Variants in TACC2 observed in about 807,000 individuals in gnomAD.
TACC2 encodes the protein transforming acidic coiled-coil-containing protein 2.
Under a neutral mutation model 227.3 loss-of-function variants are expected in TACC2, and 137 were observed. The ratio of observed to expected loss-of-function variants is 0.60; its 90% CI spans 0.52 to 0.69. TACC2 has a LOEUF of 0.69. TACC2 is among the 30% of genes least tolerant of loss of function. TACC2 has a pLI of 0.00. For synonymous variants in TACC2, 1,523 were observed against 1,487.5 expected (o/e 1.02, Z -0.55); for missense variants, 3,470 against 3,694.4 (o/e 0.94, Z 1.57).
chr10:122,055,970 C>A (rs1331850812), intron 3 of TACC2, among the ~76,000 whole-genome samples: 1 of 152,186 alleles, frequency 6.6e-6, no homozygotes, highest in Non-Finnish European at 1.5e-5. Context: ...GGGCCAAGTC[C>A]CATCCATACC....
At chr10:122,138,115 C>G (rs994709371) in intron 6 of TACC2, among the ~76,000 whole-genome samples, 18 of 151,474 alleles carry the variant, frequency 1.2e-4, no homozygotes, top group African/African-American at 3.9e-4. Context: ...TCTGACTGCA[C>G]AATAAGATTT....
chr10:122,178,702 G>C (rs2093845253), intron 7 of TACC2, among the ~76,000 whole-genome samples: 1 of 152,172 alleles, frequency 6.6e-6, no homozygotes, highest in African/African-American at 2.4e-5. Flanking sequence ...TGGCCAACAT[G>C]GTGAAACCTC....
At chr10:122,088,651 T>C (rs1227623141) in intron 5 of TACC2, 60 bp downstream of exon 5, 1 of 1,574,468 alleles carries the variant, frequency 6.4e-7, no homozygotes, top group South Asian at 1.2e-5. Flanking sequence ...ACAGACACAC[T>C]GGATGTTTTG....
In TACC2 at chr10:122,096,256, T is replaced by C. The variant is rs555355124; in HGVS notation, c.5573+7665T>C. Among the ~76,000 whole-genome samples the C allele has an allele frequency of 7.9e-4, 120 of 152,326 alleles. 2 individuals are homozygous for C. In the South Asian group the frequency reaches 0.024, roughly 31 times the overall value. The stretch of plus-strand genomic sequence containing the variant: ...TTGCACCTGGGGGCTTGGCTTCACC[T>C]ATGTGACCTCACATCCAGGCCTGCG... On this transcript the variant is annotated intron_variant, in intron 5 of 22. Coordinates refer to ENST00000369005, the MANE Select transcript of TACC2 (RefSeq NM_206862.4).
chr10:122,046,654 GCA>G (rs1399720903), intron 2 of TACC2, among the ~76,000 whole-genome samples: 2 of 152,124 alleles, frequency 1.3e-5, no homozygotes, highest in African/African-American at 2.4e-5. Flanking sequence ...TGGACTTGGA[GCA>G]AAGATCTGTC....
intron 7 of TACC2, among the ~76,000 whole-genome samples, chr10:122,190,676 C>T (rs1456697999): frequency 6.6e-6 from 1 of 152,064 alleles, no homozygotes; most frequent in Admixed American, 6.6e-5. Flanking sequence ...ATTGCATGAA[C>T]ACAGGACAGG....
chr10:122,035,051 A>C (rs558735797), intron 2 of TACC2, among the ~76,000 whole-genome samples: 1 of 152,252 alleles, frequency 6.6e-6, no homozygotes, highest in South Asian at 2.1e-4. Context: ...TCACTGCCAT[A>C]AGTCAGTGGC....
chr10:122,249,006 T>C, intron 20 of TACC2, 44 bp from the exon 21 acceptor site: 1 of 1,576,158 alleles, frequency 6.3e-7, no homozygotes, highest in Non-Finnish European at 8.7e-7. Context: ...GCTGGGCATT[T>C]GTTCTCGTGG....
At chr10:122,124,377 C>T (rs1204363889) in intron 5 of TACC2, among the ~76,000 whole-genome samples, 1 of 152,210 alleles carries the variant, frequency 6.6e-6, no homozygotes, top group African/African-American at 2.4e-5. Context: ...CTCACTTCGG[C>T]TCCACTGCCT....
chr10:122,176,105 CTCTCTCTCTCTCTATATA>C (rs1188076384), intron 7 of TACC2, among the ~76,000 whole-genome samples: 116 of 73,386 alleles, frequency 1.6e-3, no homozygotes, highest in African/African-American at 5.0e-3. Context: ...CTCTCTCTCT[CTCTCTCTCTCTCTATATA>C]TATATATATA....
At chr10:122,012,309 A>C (rs1374911650) in intron 1 of TACC2, among the ~76,000 whole-genome samples, 1 of 149,578 alleles carries the variant, frequency 6.7e-6, no homozygotes, top group East Asian at 2.0e-4. Flanking sequence ...AATCCCAGCT[A>C]CTCAGGAGGC....
At chr10:122,022,987 G>A (rs1362308561) in intron 2 of TACC2, 1 of 152,160 alleles carries the variant, frequency 6.6e-6, no homozygotes, top group African/African-American at 2.4e-5. Flanking sequence ...CCTTGAACGA[G>A]AAAACTGGAT....
At chr10:121,995,496 G>C (rs1437488318) in intron 1 of TACC2, among the ~76,000 whole-genome samples, 2 of 152,114 alleles carry the variant, frequency 1.3e-5, no homozygotes, top group African/African-American at 4.8e-5. Flanking sequence ...GTGTATACAG[G>C]GGGCAAAACT....
chr10:122,136,110 T>C (rs571580844), intron 6 of TACC2, among the ~76,000 whole-genome samples: 25 of 152,330 alleles, frequency 1.6e-4, no homozygotes, highest in Admixed American at 1.2e-3. Context: ...TTTTGGTTGA[T>C]TGGCTGATGA....
chr10:122,216,722 G>C lies in TACC2; in HGVS notation c.7440G>C (p.Lys2480Asn). 1 of 1,614,154 alleles carries C rather than the reference G, an allele frequency of 6.2e-7. No homozygotes were observed. Among genetic ancestry groups the C allele is most frequent in the Non-Finnish European group, 8.5e-7 (1 of 1,180,038 alleles). Reference sequence around the variant, plus strand: ...AAAAGCTGGCGGTCACCAACCAGAAGTGGACGTGCATGACAGTGGACCTAG... The same window carrying C: ...AAAAGCTGGCGGTCACCAACCAGAACTGGACGTGCATGACAGTGGACCTAG... ...DEEKLAVTNQ[K>N]WTCMTVDLEA... is the part of the protein sequence containing the mutation. The change falls in exon 11 of 23, where the codon AAG becomes AAC. Residue 2480 changes from lysine to asparagine, a missense_variant. Around this residue, in one of 10 missense-constraint regions of TACC2, gnomAD observed 345 missense variants for 354.4 expected, o/e 0.97. Transcript: ENST00000369005.
Position 122,009,905 on chromosome 10 carries a change from A to T in TACC2, c.-45-12032A>T, listed in dbSNP as rs540817770. On this transcript the variant is annotated intron_variant, in intron 1 of 22. Coordinates refer to ENST00000369005, the MANE Select transcript of TACC2 (RefSeq NM_206862.4). ...TGCACCACTGCACTCCAGCCTGGTG[A>T]CAGAGTGAGACTCTGTTTTCAATAA... 1.1e-4 allele frequency among the ~76,000 whole-genome samples: 16 copies of T among 152,314 alleles called. No individual in the cohort carries two copies. The South Asian group carries it at 3.3e-3, about 32-fold the overall frequency.
At chr10:122,035,502 G>T (rs919781159) in intron 2 of TACC2, among the ~76,000 whole-genome samples, 1 of 152,184 alleles carries the variant, frequency 6.6e-6, no homozygotes, top group African/African-American at 2.4e-5. Context: ...TGATCTGCTC[G>T]AATGAAGCTT....
At chr10:122,242,827 T>C (rs888083802) in intron 19 of TACC2, among the ~76,000 whole-genome samples, 6 of 152,176 alleles carry the variant, frequency 3.9e-5, no homozygotes, top group African/African-American at 1.4e-4. Context: ...TGGGATGGGG[T>C]CTTGCTACGT....
chr10:122,111,491 G>A (rs1201234799), intron 5 of TACC2, among the ~76,000 whole-genome samples: 1 of 148,520 alleles, frequency 6.7e-6, no homozygotes, highest in East Asian at 2.0e-4. Flanking sequence ...CAGGGCACAA[G>A]AACCTTTTGT....
Sources: allele counts gnomAD v4.1 joint callset (sites outside exome capture counted in the v4.1 genomes callset), GRCh38; gene constraint gnomAD v4.1.1; regional missense constraint gnomAD v4.1.1; transcripts MANE v1.5; gene names NCBI Gene and HGNC (gene_info 2026-07-23, HGNC 2026-07-21).